Variants in CFAP46 observed in about 807,000 individuals in gnomAD.
CFAP46 encodes the protein cilia- and flagella-associated protein 46.
A neutral mutation model predicts 325.7 loss-of-function variants in CFAP46; 245 were observed. That is an observed-to-expected ratio of 0.75 (90% confidence interval 0.68 to 0.84). The LOEUF is 0.84. Ranked by LOEUF, CFAP46 falls within the 40% of genes least tolerant of loss-of-function variation. CFAP46 has a pLI of 0.00. For missense variants in CFAP46, 3,346 were observed against 3,543.0 expected (o/e 0.94, Z 1.41); for synonymous variants, 1,523 against 1,495.9 (o/e 1.02, Z -0.42).
At chr10:132,912,552 T>G (rs1849564972) in intron 19 of CFAP46, 103 bp downstream of exon 19, 1 of 1,138,046 alleles carries the variant, frequency 8.8e-7, no homozygotes, top group Non-Finnish European at 1.2e-6. Context: ...TCTCTCTCTC[T>G]CTTCACCTCT....
intron 50 of CFAP46, among the ~76,000 whole-genome samples, chr10:132,815,959 T>G (rs1402311579): frequency 6.6e-6 from 1 of 152,212 alleles, no homozygotes; most frequent in South Asian, 2.1e-4. Flanking sequence ...TGACATGATC[T>G]GTTTCTTGAC....
chr10:132,868,323 A>T (rs1848848016), intron 33 of CFAP46, among the ~76,000 whole-genome samples: 1 of 152,190 alleles, frequency 6.6e-6, no homozygotes, highest in Non-Finnish European at 1.5e-5. Context: ...TGGCCTCCAC[A>T]ACTCCTTTGC....
chr10:132,931,065 C>T (rs1278692568), intron 8 of CFAP46, among the ~76,000 whole-genome samples: 44 of 66,798 alleles, frequency 6.6e-4, no homozygotes, highest in Middle Eastern at 0.019. Context: ...GCCTGGGCCT[C>T]CCTCCTCTCC....
chr10:132,865,042 C>G (rs2135268022), intron 35 of CFAP46, among the ~76,000 whole-genome samples: 1 of 152,338 alleles, frequency 6.6e-6, no homozygotes, highest in East Asian at 1.9e-4. Flanking sequence ...ATGGGCATCA[C>G]TGAACTTTTA....
chr10:132,887,033 CTT>C (rs1372724491), intron 25 of CFAP46, among the ~76,000 whole-genome samples: 4 of 150,708 alleles, frequency 2.7e-5, no homozygotes, highest in Non-Finnish European at 5.9e-5. Flanking sequence ...TCTCTTCTCT[CTT>C]CTTTCTCCTC....
chr10:132,829,284 C>G (rs1848110945), intron 50 of CFAP46, among the ~76,000 whole-genome samples: 1 of 152,164 alleles, frequency 6.6e-6, no homozygotes, highest in Non-Finnish European at 1.5e-5. Flanking sequence ...CACCTTTTGT[C>G]AAACTTATCC....
intron 22 of CFAP46, among the ~76,000 whole-genome samples, chr10:132,900,774 A>G (rs1849382313): frequency 6.6e-6 from 1 of 152,220 alleles, no homozygotes; most frequent in African/African-American, 2.4e-5. Flanking sequence ...AGTGTTCCAT[A>G]AATGCCAATG....
intron 41 of CFAP46, among the ~76,000 whole-genome samples, chr10:132,848,041 G>A (rs540338235): frequency 1.3e-5 from 2 of 152,088 alleles, no homozygotes; most frequent in East Asian, 1.9e-4. Flanking sequence ...TCTCGACGGA[G>A]CACACGCCGT....
At chr10:132,910,980 G>A (rs1026956041) in intron 19 of CFAP46, among the ~76,000 whole-genome samples, 14 of 152,190 alleles carry the variant, frequency 9.2e-5, no homozygotes, top group East Asian at 1.9e-4. Flanking sequence ...CCGTGTTCCC[G>A]GGCTGCCAAG....
At position 132,856,024 on chromosome 10, in the gene CFAP46, G is replaced by A. The variant is rs578167411; in HGVS notation, c.5574+1566C>T. ...GCTCCTGCAGGGCTCAGCCACTGAG[G>A]ACGCCTTCCTTCAGCTCTCGAGTGT... On this transcript the variant is annotated intron_variant, in intron 39 of 57. Coordinates refer to ENST00000368586, the MANE Select transcript of CFAP46 (RefSeq NM_001200049.3). Among the ~76,000 whole-genome samples, 105 of 152,372 alleles carry A rather than the reference G, an allele frequency of 6.9e-4. 1 individual carries two copies. Among genetic ancestry groups the A allele is most frequent in the African/African-American group, 2.4e-3 (101 of 41,580 alleles).
intron 50 of CFAP46, among the ~76,000 whole-genome samples, chr10:132,825,314 CGTGTGCACTG>C (rs1848027044): frequency 6.7e-6 from 1 of 149,202 alleles, no homozygotes; most frequent in Non-Finnish European, 1.5e-5. Context: ...TGATGTGTGC[CGTGTGCACTG>C]ATGTGTGCTG....
At chr10:132,851,042 C>A in intron 40 of CFAP46, 75 bp downstream of exon 40, 1 of 1,568,304 alleles carries the variant, frequency 6.4e-7, no homozygotes, top group Non-Finnish European at 8.7e-7. Context: ...ACGGCTCCTG[C>A]TGGAACGGGG....
chr10:132,887,218 T>TCTCG (rs1849152040), intron 25 of CFAP46, among the ~76,000 whole-genome samples: 1 of 61,470 alleles, frequency 1.6e-5, no homozygotes, highest in African/African-American at 1.1e-4. Context: ...TCCTCTCCCC[T>TCTCG]CTTCTCTCTC....
chr10:132,852,656 CAT>C (rs1848577655), intron 39 of CFAP46, among the ~76,000 whole-genome samples: 1 of 152,258 alleles, frequency 6.6e-6, no homozygotes, highest in African/African-American at 2.4e-5. Context: ...GATCCACACA[CAT>C]GGTATGTTTC....
rs1404910936 is a variant in CFAP46 at position 132,835,303 on chromosome 10, C to T, written c.6744+1G>A. 1 of 1,612,272 alleles carries T rather than the reference C, an allele frequency of 6.2e-7. No individual in the cohort carries two copies. Among genetic ancestry groups the T allele is most frequent in the Non-Finnish European group, 8.5e-7 (1 of 1,179,556 alleles). On this transcript the variant is annotated splice_donor_variant, in intron 47 of 57. Transcript: ENST00000368586. LOFTEE classifies it high-confidence loss of function. ...GTGGCTTGGAGCCTGGAGGGCCTCA[C>T]CGAGCCTATGTTCAGGGCCATGTCC... is the stretch of plus-strand genomic sequence containing the variant.
intron 44 of CFAP46, among the ~76,000 whole-genome samples, chr10:132,839,025 T>G (rs72855939): frequency 0.018 from 2,734 of 152,348 alleles, 53 homozygotes; most frequent in Non-Finnish European, 0.024. Context: ...TTTTGTGAGA[T>G]TCCAACCTCG....
rs565861080 is a variant in CFAP46, at chr10:132,835,424, C to T, written c.6624G>A (p.Lys2208=). The change falls in exon 47 of 58, where the codon AAG becomes AAA. Residue 2208 remains lysine (K), a synonymous_variant. Transcript: ENST00000368586. Reference sequence around the variant, plus strand: ...TGGGACTTATGGCCAGACGCATCACCTTGCAGGAGCCTGTGGGGACATGGA... The same window carrying T: ...TGGGACTTATGGCCAGACGCATCACTTTGCAGGAGCCTGTGGGGACATGGA... The part of the protein sequence containing the change: ...GKVQAVGGSC[K]VMRLAISPTA... The T allele has an allele frequency of 9.8e-5, 158 of 1,613,302 alleles. No homozygotes were observed. The highest frequency in any genetic ancestry group is 1.1e-4 in the Non-Finnish European group (125 of 1,179,878).
chr10:132,886,931 G>A lies in CFAP46; in HGVS notation c.3305-972C>T, dbSNP rs960685267. Among the ~76,000 whole-genome samples, 23 of 152,100 alleles carry A rather than the reference G, an allele frequency of 1.5e-4. No homozygotes were observed. The highest frequency in any genetic ancestry group is 5.1e-4 in the African/African-American group (21 of 41,434). ...CCAGCCTGCACACCCTTCCCCTGAC[G>A]GTAATTCCCACACCCTCCCAGCTCT... is the stretch of plus-strand genomic sequence containing the variant. On this transcript the variant is annotated intron_variant, in intron 25 of 57. Coordinates refer to ENST00000368586, the MANE Select transcript of CFAP46 (RefSeq NM_001200049.3). The surrounding 1 kb of genome is among the most constrained non-coding windows in gnomAD (Gnocchi z 5.8).
chr10:132,941,143 A>G, intron 3 of CFAP46, 83 bp from the exon 4 acceptor site: 1 of 1,420,614 alleles, frequency 7.0e-7, no homozygotes, highest in Non-Finnish European at 9.9e-7. Flanking sequence ...CGGCTCCCTC[A>G]CGGTTGGCCT....
Sources: gnomAD v4.1 joint callset for allele counts (sites outside exome capture counted in the v4.1 genomes callset) on GRCh38, gnomAD v4.1.1 for gene constraint, Gnocchi (gnomAD v3.1) non-coding constraint, MANE v1.5 for transcripts, NCBI Gene and HGNC (gene_info 2026-07-23, HGNC 2026-07-21) for gene names.